Variants in ELF1 observed in about 807,000 individuals in gnomAD.
The protein encoded by ELF1 is E74 like ETS transcription factor 1.
ELF1 carries 24 observed loss-of-function variants against 59.9 expected under a neutral mutation model. The observed-to-expected ratio is 0.40, with a 90% CI of 0.29 to 0.56. The LOEUF (loss-of-function observed/expected upper bound fraction) is 0.56. Among genes scored for constraint, ELF1 ranks in the 20% least tolerant of loss-of-function variants. The probability of loss-of-function intolerance (pLI) is 0.44; values close to 1 mark genes in which losing one functional copy is unlikely to be tolerated. For missense variants in ELF1, 627 were observed against 742.2 expected (o/e 0.84, Z 1.80); for synonymous variants, 248 against 266.2 (o/e 0.93, Z 0.67).
intron 1 of ELF1, 55 bp from the exon 2 acceptor site, chr13:40,982,337 T>G: frequency 1.8e-5 from 21 of 1,136,934 alleles, no homozygotes; most frequent in Non-Finnish European, 2.2e-5. Flanking sequence ...ACTTAGGATA[T>G]AATAACTGAT....
rs1163511992 is a variant in ELF1 at position 41,011,086 on chromosome 13, A to C, written c.-229+8142T>G. On this transcript the variant is annotated intron_variant, in intron 1 of 8. Transcript: ENST00000239882. ...ACAGTAAGAATTCTAAGGAAGCTAC[A>C]TGAAACACTGATCAGGAAGCAAGAT... Among the ~76,000 whole-genome samples the C allele has an allele frequency of 2.0e-5, 3 of 152,260 alleles. No homozygotes were observed. The South Asian group carries it at 6.2e-4, about 31-fold the overall frequency.
intron 1 of ELF1, among the ~76,000 whole-genome samples, chr13:41,011,758 T>A (rs1322031962): frequency 6.6e-6 from 1 of 152,064 alleles, no homozygotes; most frequent in African/African-American, 2.4e-5. Flanking sequence ...TTTTAACTGA[T>A]GCAGAGTTTT....
In ELF1 at chr13:40,951,369, A is replaced by T. The variant is rs1262153028; in HGVS notation, c.321T>A (p.Asn107Lys). Residue 107 changes from asparagine (N) to lysine (K), a missense_variant, in exon 4 of 9, where the codon AAT becomes AAA. Around this residue, in one of 3 missense-constraint regions of ELF1, gnomAD observed 232 missense variants for 269.2 expected, o/e 0.86. Transcript: ENST00000239882. ...ETIEAAEALL[N>K]MDSPGPMLDE... ...CCAGCATAGGGCCAGGGGAATCCAT[A>T]TTGAGGAGTGCCTCAGCAGCCTCAA... 6.2e-7 allele frequency: 1 copy of T among 1,613,836 alleles called. No individual in the cohort carries two copies. The highest frequency in any genetic ancestry group is 1.1e-5 in the South Asian group (1 of 91,058).
intron 1 of ELF1, among the ~76,000 whole-genome samples, chr13:41,006,694 T>C (rs1874780386): frequency 6.6e-6 from 1 of 152,218 alleles, no homozygotes; most frequent in South Asian, 2.1e-4. Context: ...GTTTGCAACG[T>C]TCATACCATG....
Position 41,018,298 on chromosome 13 carries a change from A to G in ELF1, c.-229+930T>C, listed in dbSNP as rs185323929. Among the ~76,000 whole-genome samples the G allele has an allele frequency of 3.5e-3, 529 of 152,310 alleles. 3 individuals carry two copies. Among genetic ancestry groups the G allele is most frequent in the South Asian group, 0.011 (53 of 4,830 alleles). ...ATGTATACTTGCCAGCCAAAATCTC[A>G]TAACTACAATGACAAGTACTTCAGG... On this transcript the variant is annotated intron_variant, in intron 1 of 8. Transcript: ENST00000239882.
At chr13:41,036,667 C>T (rs912713305) in intron 1 of ELF1, among the ~76,000 whole-genome samples, 5 of 152,086 alleles carry the variant, frequency 3.3e-5, no homozygotes, top group South Asian at 2.1e-4. Flanking sequence ...ATGCTTATTG[C>T]GGCACTATTC....
chr13:40,933,647 A>C lies in ELF1; in HGVS notation c.1638T>G (p.Ala546=). ...TFSPRSSQLV[A]HPPGTVITSV... is the part of the protein sequence containing the mutation. The stretch of plus-strand genomic sequence containing the variant: ...AAGTGATTACAGTGCCAGGTGGGTG[A>C]GCAACCAGCTGTGAACTGCGAGGAG... Residue 546 remains alanine, a synonymous_variant, in exon 9 of 9, where the codon GCT becomes GCG. Coordinates refer to ENST00000239882, the MANE Select transcript of ELF1 (RefSeq NM_172373.4). The C allele has an allele frequency of 1.9e-6, 3 of 1,614,240 alleles. No homozygotes were observed. The highest frequency in any genetic ancestry group is 1.7e-6 in the Non-Finnish European group (2 of 1,180,050).
rs764212056 is a variant in ELF1 at position 40,941,066 on chromosome 13, C to T, written c.1111G>A (p.Val371Met). 2.5e-6 allele frequency: 4 copies of T among 1,614,066 alleles called. No homozygotes were observed. In the Admixed American group the frequency reaches 6.7e-5, roughly 27 times the overall value. ...GGATATGGAGACTGCGTGGGCTGCA[C>T]TGTCCTCAAAACTTCTGATGGTTGT... is the stretch of plus-strand genomic sequence containing the variant. ...VAQPSEVLRTVQPTQSPYPTQ... is the reference protein window; with the variant it reads ...VAQPSEVLRTMQPTQSPYPTQ... The change falls in exon 8 of 9, where the codon GTG (valine) becomes ATG (methionine). Residue 371 changes from valine to methionine, a missense_variant. This residue lies in a region of ELF1 where 361 missense variants were observed against 396.1 expected (regional missense o/e 0.91). Coordinates refer to ENST00000239882, the MANE Select transcript of ELF1 (RefSeq NM_172373.4).
intron 1 of ELF1, among the ~76,000 whole-genome samples, chr13:41,055,578 T>C (rs760463119): frequency 6.6e-6 from 1 of 152,312 alleles, no homozygotes; most frequent in Non-Finnish European, 1.5e-5. Context: ...ATCATAATTA[T>C]CTGTATACTT....
chr13:40,947,431 A>T (rs994918022), intron 5 of ELF1, among the ~76,000 whole-genome samples: 3 of 152,236 alleles, frequency 2.0e-5, no homozygotes, highest in African/African-American at 7.2e-5. Flanking sequence ...AATCCCAGCT[A>T]CCTGGGAGGC....
chr13:41,037,413 G>A (rs1003514065), intron 1 of ELF1, among the ~76,000 whole-genome samples: 6 of 152,178 alleles, frequency 3.9e-5, no homozygotes, highest in Non-Finnish European at 7.4e-5. Context: ...TAAACTTAAA[G>A]CCAACATTTA....
Position 40,982,182 on chromosome 13 carries a change from A to C in ELF1, c.-128T>G. 1 of 1,319,814 alleles carries C rather than the reference A, an allele frequency of 7.6e-7. No individual in the cohort carries two copies. The highest frequency in any genetic ancestry group is 2.9e-5 in the East Asian group (1 of 34,292). 81.8% of individuals were successfully genotyped at this position (1,319,814 alleles called of 1,614,324 possible). On this transcript the variant is annotated 5_prime_UTR_variant, in exon 2 of 9. Coordinates refer to ENST00000239882, the MANE Select transcript of ELF1 (RefSeq NM_172373.4). ...TGTCTGTGGAGTAATTGTATACCCA[A>C]GTTTTCTTTAGGGAAGGTGCTTCAG...
chr13:40,941,941 GAGCCACCACACTC>G (rs1046252687), intron 7 of ELF1, among the ~76,000 whole-genome samples: 41 of 152,148 alleles, frequency 2.7e-4, no homozygotes, highest in African/African-American at 9.2e-4. Context: ...TTATAGAAGC[GAGCCACCACACTC>G]AGCCCCCCTC....
chr13:40,999,091 T>C (rs1393498266), intron 1 of ELF1, among the ~76,000 whole-genome samples: 3 of 152,254 alleles, frequency 2.0e-5, no homozygotes, highest in African/African-American at 4.8e-5. Context: ...TGTGCTATTA[T>C]TGATGGAGTT....
At chr13:41,027,175 C>A (rs1427807164) in intron 1 of ELF1, among the ~76,000 whole-genome samples, 2 of 152,228 alleles carry the variant, frequency 1.3e-5, no homozygotes, top group Non-Finnish European at 2.9e-5. Context: ...ACAGGATGCT[C>A]AGGGACTTCG....
intron 1 of ELF1, among the ~76,000 whole-genome samples, chr13:40,987,346 C>T (rs1452531234): frequency 4.0e-5 from 6 of 148,958 alleles, no homozygotes; most frequent in African/African-American, 4.9e-5. Context: ...TTTGGGAGGC[C>T]GAGGCGGGTA....
intron 1 of ELF1, among the ~76,000 whole-genome samples, chr13:41,044,585 T>C (rs951452883): frequency 6.6e-6 from 1 of 152,210 alleles, no homozygotes; most frequent in Non-Finnish European, 1.5e-5. Flanking sequence ...GTTTATATGA[T>C]GGATTACGTT....
intron 1 of ELF1, among the ~76,000 whole-genome samples, chr13:40,993,609 T>G (rs1873980839): frequency 6.6e-6 from 1 of 152,116 alleles, no homozygotes; most frequent in Non-Finnish European, 1.5e-5. Context: ...GCCTCCTGAG[T>G]AGCTGGGGCT....
At position 40,933,994 on chromosome 13, in the gene ELF1, C is replaced by A. The variant is rs749531568; in HGVS notation, c.1291G>T (p.Val431Leu). ...IQAPTQVPVVVSPRNQQLHTV... is the reference protein window; with the variant it reads ...IQAPTQVPVVLSPRNQQLHTV... The stretch of plus-strand genomic sequence containing the variant: ...TGCAACTGCTGATTCCTAGGAGACA[C>A]AACCACTGGAACTTGGGTTGGAGCC... Residue 431 changes from valine to leucine, a missense_variant, in exon 9 of 9, where the codon GTG (valine) becomes TTG (leucine). This residue lies in a region of ELF1 where 361 missense variants were observed against 396.1 expected (regional missense o/e 0.91). Coordinates refer to ENST00000239882, the MANE Select transcript of ELF1 (RefSeq NM_172373.4). The A allele has an allele frequency of 6.2e-7, 1 of 1,614,104 alleles. No individual in the cohort carries two copies. The highest frequency in any genetic ancestry group is 2.2e-5 in the East Asian group (1 of 44,892).
Sources: allele counts gnomAD v4.1 joint callset (sites outside exome capture counted in the v4.1 genomes callset), GRCh38; gene constraint gnomAD v4.1.1; regional missense constraint gnomAD v4.1.1; transcripts MANE v1.5; gene names NCBI Gene and HGNC (gene_info 2026-07-23, HGNC 2026-07-21).